Variants in CTCF observed in about 807,000 individuals in gnomAD.
The protein encoded by CTCF is transcriptional repressor CTCF.
CTCF carries 7 observed loss-of-function variants against 72.3 expected under a neutral mutation model. The ratio of observed to expected loss-of-function variants is 0.10; its 90% confidence interval spans 0.06 to 0.18. The LOEUF (loss-of-function observed/expected upper bound fraction) is 0.18. CTCF is among the 10% of genes least tolerant of loss of function. CTCF has a pLI of 1.00. For missense variants in CTCF, 516 were observed against 949.1 expected, an observed-to-expected ratio of 0.54 and a Z score of 6.00; for synonymous variants, 374 against 315.8, an observed-to-expected ratio of 1.18 and a Z score of -1.95.
chr16:67,587,715 G>C (rs1452301033), intron 2 of CTCF, among the ~76,000 whole-genome samples: 1 of 151,968 alleles, frequency 6.6e-6, no homozygotes, highest in East Asian at 1.9e-4. Flanking sequence ...CTTGAGCCCA[G>C]GAGTTCAGGA....
At chr16:67,634,027 T>C (rs535111400) in intron 10 of CTCF, among the ~76,000 whole-genome samples, 3 of 152,302 alleles carry the variant, frequency 2.0e-5, no homozygotes, top group South Asian at 4.1e-4. Context: ...ATGTGAATAA[T>C]AGTATTCAAG....
intron 2 of CTCF, among the ~76,000 whole-genome samples, chr16:67,609,910 G>A (rs2052036913): frequency 6.6e-6 from 1 of 152,192 alleles, no homozygotes; most frequent in African/African-American, 2.4e-5. Flanking sequence ...ACAGGCGTGA[G>A]CCACCGTGCC....
In CTCF at chr16:67,637,673, G is replaced by A. The variant is rs1219642541; in HGVS notation, c.2000-15G>A. On this transcript the variant is annotated splice_polypyrimidine_tract_variant and intron_variant, in intron 11 of 11. Transcript: ENST00000264010. ...TTAATGGACCATTTGTTCTGTCTGT[G>A]CTCTTCTTTGCCAGCAACAGCTATC... The A allele has an allele frequency of 1.2e-5, 19 of 1,606,958 alleles. No homozygotes were observed. The highest frequency in any genetic ancestry group is 1.5e-5 in the Non-Finnish European group (18 of 1,175,488).
At chr16:67,620,528 G>A (rs1464538482) in intron 5 of CTCF, among the ~76,000 whole-genome samples, 169 bp from the exon 6 acceptor site, 1 of 152,106 alleles carries the variant, frequency 6.6e-6, no homozygotes, top group Non-Finnish European at 1.5e-5. Flanking sequence ...TAATGATATG[G>A]ATTCGAGAAG....
chr16:67,609,518 C>G (rs2052028137), intron 2 of CTCF, among the ~76,000 whole-genome samples: 1 of 152,008 alleles, frequency 6.6e-6, no homozygotes, highest in Non-Finnish European at 1.5e-5. Flanking sequence ...AATCAGGATC[C>G]AAAGAAGATT....
At chr16:67,565,393 G>A (rs1435533861) in intron 1 of CTCF, among the ~76,000 whole-genome samples, 1 of 152,082 alleles carries the variant, frequency 6.6e-6, no homozygotes, top group Admixed American at 6.6e-5. Flanking sequence ...GAGTAGTTGT[G>A]GCTGGGAGCG....
Position 67,564,914 on chromosome 16 carries a change from C to T in CTCF, c.-127+2190C>T, listed in dbSNP as rs568277216. Among the ~76,000 whole-genome samples the T allele has an allele frequency of 2.0e-5, 3 of 152,160 alleles. No homozygotes were observed. In the South Asian group the frequency reaches 6.2e-4, roughly 32 times the overall value. The stretch of plus-strand genomic sequence containing the variant: ...TGCTATCCTTTGAAATTCCCATATG[C>T]CAGGAATCATGCTTTGTTTTGTTTT... On this transcript the variant is annotated intron_variant, in intron 1 of 11. Coordinates refer to ENST00000264010, the MANE Select transcript of CTCF (RefSeq NM_006565.4).
rs554501131 is a variant in CTCF, at chr16:67,590,662, G to A, written c.-10+19398G>A. 4.0e-5 allele frequency among the ~76,000 whole-genome samples: 6 copies of A among 151,338 alleles called. No individual in the cohort carries two copies. In the South Asian group the frequency reaches 8.4e-4, roughly 21 times the overall value. ...CTAACTGTTCTTTTAAAAATTGGCC[G>A]AGCACGGTGATCGGCCAGGTGTGAT... On this transcript the variant is annotated intron_variant, in intron 2 of 11. Coordinates refer to ENST00000264010, the MANE Select transcript of CTCF (RefSeq NM_006565.4).
At chr16:67,618,864 C>T (rs186929688) in intron 5 of CTCF, among the ~76,000 whole-genome samples, 12 of 152,218 alleles carry the variant, frequency 7.9e-5, no homozygotes, top group Admixed American at 5.2e-4. Context: ...AATGAAGAAA[C>T]ATTACAAGTT....
intron 7 of CTCF, among the ~76,000 whole-genome samples, chr16:67,622,766 C>T (rs1292994189): frequency 1.3e-5 from 2 of 150,856 alleles, no homozygotes; most frequent in East Asian, 3.9e-4. Flanking sequence ...GCCTCAGCCT[C>T]CTGAGTAGCT....
chr16:67,604,248 A>G (rs1307327575), intron 2 of CTCF, among the ~76,000 whole-genome samples: 1 of 152,034 alleles, frequency 6.6e-6, no homozygotes. Flanking sequence ...GTTGGAGGTT[A>G]CAGTGAGCTG....
At chr16:67,597,261 C>A (rs999165030) in intron 2 of CTCF, among the ~76,000 whole-genome samples, 3 of 152,054 alleles carry the variant, frequency 2.0e-5, no homozygotes, top group Non-Finnish European at 4.4e-5. Flanking sequence ...ATCTCGAACT[C>A]CTGGGCTCAA....
intron 2 of CTCF, among the ~76,000 whole-genome samples, chr16:67,606,810 A>G (rs2051979954): frequency 7.3e-6 from 1 of 136,456 alleles, no homozygotes; most frequent in Non-Finnish European, 1.5e-5. Context: ...CCCAGGCTCC[A>G]GGCTGGAGTG....
At chr16:67,592,856 G>A (rs1386259651) in intron 2 of CTCF, among the ~76,000 whole-genome samples, 2 of 151,772 alleles carry the variant, frequency 1.3e-5, no homozygotes, top group Non-Finnish European at 2.9e-5. Context: ...GTGAAACCCC[G>A]TCTCTACTAA....
At chr16:67,630,905 C>T (rs904405995) in intron 10 of CTCF, among the ~76,000 whole-genome samples, 28 of 152,084 alleles carry the variant, frequency 1.8e-4, no homozygotes, top group African/African-American at 6.8e-4. Context: ...GGTGGGAAGG[C>T]ACCTCTGTAA....
At chr16:67,617,678 G>A (rs528011930) in intron 5 of CTCF, among the ~76,000 whole-genome samples, 4 of 152,216 alleles carry the variant, frequency 2.6e-5, no homozygotes, top group South Asian at 4.1e-4. Flanking sequence ...GTGAAACTCC[G>A]TCTTAAAAAA....
chr16:67,605,632 C>G (rs565938210), intron 2 of CTCF, among the ~76,000 whole-genome samples: 23 of 152,308 alleles, frequency 1.5e-4, no homozygotes, highest in African/African-American at 5.3e-4. Context: ...GGCTTTTGCC[C>G]TTAAAGAGCT....
At chr16:67,599,017 C>T (rs1000552256) in intron 2 of CTCF, among the ~76,000 whole-genome samples, 4 of 152,182 alleles carry the variant, frequency 2.6e-5, no homozygotes, top group South Asian at 4.1e-4. Context: ...GATACTAAAT[C>T]GTGCATTGGG....
intron 8 of CTCF, chr16:67,627,293 GAGC>G (rs2052302602): frequency 6.6e-6 from 1 of 151,982 alleles, no homozygotes; most frequent in East Asian, 1.9e-4. Context: ...AGGAGCTTGA[GAGC>G]AGCCTGGCCA....
Sources: gnomAD v4.1 joint callset for allele counts (sites outside exome capture counted in the v4.1 genomes callset) on GRCh38, gnomAD v4.1.1 for gene constraint, MANE v1.5 for transcripts, NCBI Gene and HGNC (gene_info 2026-07-23, HGNC 2026-07-21) for gene names.